Variants in SPHKAP observed in about 807,000 individuals in gnomAD.
SPHKAP encodes A-kinase anchor protein SPHKAP.
A neutral mutation model predicts 137.5 loss-of-function variants in SPHKAP; 67 were observed. The ratio of observed to expected loss-of-function variants is 0.49; its 90% confidence interval spans 0.40 to 0.60. The LOEUF is 0.60. Among genes scored for constraint, SPHKAP ranks in the 20% least tolerant of loss-of-function variants. The pLI is 0.00. For synonymous variants in SPHKAP, 813 were observed against 785.3 expected (o/e 1.04, Z -0.59); for missense variants, 2,097 against 2,069.3 (o/e 1.01, Z -0.26).
At chr2:228,120,465 A>T (rs1337737507) in intron 2 of SPHKAP, among the ~76,000 whole-genome samples, 1 of 152,148 alleles carries the variant, frequency 6.6e-6, no homozygotes, top group Non-Finnish European at 1.5e-5. Context: ...TTTCTTCGGA[A>T]TTTATGTCCC....
At chr2:228,123,988 C>T (rs560561150) in intron 2 of SPHKAP, among the ~76,000 whole-genome samples, 1 of 152,092 alleles carries the variant, frequency 6.6e-6, no homozygotes, top group Non-Finnish European at 1.5e-5. Context: ...AAAAAATGCT[C>T]ATCATCACTG....
intron 2 of SPHKAP, 123 bp from the exon 3 acceptor site, chr2:228,109,062 C>G (rs767807169): frequency 1.6e-5 from 10 of 633,722 alleles, no homozygotes; most frequent in Non-Finnish European, 2.5e-5. Flanking sequence ...CTCAGAGCTT[C>G]TGGGTGTTAG....
intron 3 of SPHKAP, among the ~76,000 whole-genome samples, chr2:228,108,114 C>T (rs578057777): frequency 2.4e-4 from 36 of 152,214 alleles, no homozygotes; most frequent in African/African-American, 8.7e-4. Flanking sequence ...TTTAGTCATG[C>T]GAATTACATT....
At chr2:228,140,627 C>T (rs2106386127) in intron 1 of SPHKAP, among the ~76,000 whole-genome samples, 1 of 152,214 alleles carries the variant, frequency 6.6e-6, no homozygotes. Flanking sequence ...TATGTGTCCC[C>T]TCCCAAATCT....
intron 2 of SPHKAP, among the ~76,000 whole-genome samples, chr2:228,115,432 A>C (rs567857327): frequency 6.6e-6 from 1 of 152,078 alleles, no homozygotes; most frequent in Non-Finnish European, 1.5e-5. Context: ...CAATTCTCCC[A>C]GTTACCCTGG....
At chr2:228,163,571 A>T (rs367828842) in intron 1 of SPHKAP, among the ~76,000 whole-genome samples, 19 of 152,130 alleles carry the variant, frequency 1.2e-4, no homozygotes, top group East Asian at 5.8e-4. Flanking sequence ...GAAGAGGAGC[A>T]ATTGTACCTA....
intron 3 of SPHKAP, among the ~76,000 whole-genome samples, chr2:228,073,306 C>T (rs1697061484): frequency 6.6e-6 from 1 of 152,182 alleles, no homozygotes; most frequent in Non-Finnish European, 1.5e-5. Context: ...TTGGTTCATA[C>T]AATTCCAGAT....
intron 2 of SPHKAP, among the ~76,000 whole-genome samples, chr2:228,114,212 A>G (rs1295578088): frequency 6.6e-6 from 1 of 152,118 alleles, no homozygotes. Context: ...ATAATGGCAC[A>G]TTTTCTTTTC....
chr2:228,123,611 T>G (rs922420324), intron 2 of SPHKAP, among the ~76,000 whole-genome samples: 2 of 152,216 alleles, frequency 1.3e-5, no homozygotes, highest in Admixed American at 6.5e-5. Context: ...ACTTCTTAGC[T>G]TCTCAGAATT....
intron 2 of SPHKAP, among the ~76,000 whole-genome samples, chr2:228,110,682 G>A (rs1318237944): frequency 6.6e-6 from 1 of 152,146 alleles, no homozygotes; most frequent in Non-Finnish European, 1.5e-5. Flanking sequence ...GTTTTCCAGA[G>A]GCTACATGAT....
intron 7 of SPHKAP, among the ~76,000 whole-genome samples, chr2:228,012,895 T>C (rs1694443454): frequency 6.6e-6 from 1 of 152,254 alleles, no homozygotes; most frequent in Non-Finnish European, 1.5e-5. Flanking sequence ...AAGTTGTTAT[T>C]CTTTTATCAA....
rs73094582 is a variant in SPHKAP at position 227,987,978 on chromosome 2, T to G, written c.4959+3022A>C. Reference sequence around the variant, plus strand: ...ATTTTCTGGACTTTGTAGAGACTTTTCTTTAACCTTATCTAAGCTGATGAG... The same window carrying G: ...ATTTTCTGGACTTTGTAGAGACTTTGCTTTAACCTTATCTAAGCTGATGAG... On this transcript the variant is annotated intron_variant, in intron 11 of 11. Transcript: ENST00000392056. Among the ~76,000 whole-genome samples, 665 of 152,288 alleles carry G rather than the reference T, an allele frequency of 4.4e-3. 6 individuals carry two copies. Among genetic ancestry groups the G allele is most frequent in the African/African-American group, 0.015 (635 of 41,570 alleles).
At chr2:228,026,717 T>A (rs774265251) in intron 4 of SPHKAP, among the ~76,000 whole-genome samples, 4 of 152,198 alleles carry the variant, frequency 2.6e-5, no homozygotes, top group Non-Finnish European at 5.9e-5. Flanking sequence ...ATGATGATAT[T>A]TGGGGCTCGG....
intron 3 of SPHKAP, among the ~76,000 whole-genome samples, chr2:228,068,453 A>G (rs2106297516): frequency 6.6e-6 from 1 of 152,310 alleles, no homozygotes; most frequent in South Asian, 2.1e-4. Context: ...ACAAAACTGG[A>G]GACATCATAT....
At chr2:228,110,521 AT>A (rs1160195368) in intron 2 of SPHKAP, among the ~76,000 whole-genome samples, 2 of 152,134 alleles carry the variant, frequency 1.3e-5, no homozygotes, top group Non-Finnish European at 2.9e-5. Context: ...TCTCTTAAAT[AT>A]TTTACCTAAA....
At chr2:228,160,631 G>C (rs1243166208) in intron 1 of SPHKAP, among the ~76,000 whole-genome samples, 1 of 152,198 alleles carries the variant, frequency 6.6e-6, no homozygotes, top group African/African-American at 2.4e-5. Context: ...ATGACACTTG[G>C]GGATTATGAG....
intron 3 of SPHKAP, among the ~76,000 whole-genome samples, chr2:228,038,683 C>T (rs913863178): frequency 5.3e-5 from 8 of 152,162 alleles, no homozygotes; most frequent in African/African-American, 1.9e-4. Context: ...GCAGTCTTCA[C>T]ATCCTGTTAG....
At chr2:228,136,391 T>C (rs1699441201) in intron 1 of SPHKAP, among the ~76,000 whole-genome samples, 1 of 152,208 alleles carries the variant, frequency 6.6e-6, no homozygotes, top group Admixed American at 6.5e-5. Flanking sequence ...CAGACTTCCA[T>C]AAAGCAGCTT....
At chr2:228,134,256 G>GGAAA (rs1699365889) in intron 1 of SPHKAP, among the ~76,000 whole-genome samples, 1 of 139,890 alleles carries the variant, frequency 7.1e-6, no homozygotes, top group African/African-American at 2.8e-5. Context: ...AAGGAAGGAA[G>GGAAA]GAAAGAAATA....
Sources: allele counts gnomAD v4.1 joint callset (sites outside exome capture counted in the v4.1 genomes callset), GRCh38; gene constraint gnomAD v4.1.1; transcripts MANE v1.5; gene names NCBI Gene and HGNC (gene_info 2026-07-23, HGNC 2026-07-21).